RFX2: variants seen among roughly 807,000 people sequenced by gnomAD.
RFX2 encodes DNA-binding protein RFX2.
RFX2 carries 20 observed loss-of-function variants against 87.8 expected under a neutral mutation model. That is an observed-to-expected ratio of 0.23 (90% CI 0.16 to 0.33). The LOEUF (loss-of-function observed/expected upper bound fraction) is 0.33. Among genes scored for constraint, RFX2 ranks in the 10% least tolerant of loss-of-function variants. The pLI is 1.00. For missense variants in RFX2, 767 were observed against 1,012.3 expected, an observed-to-expected ratio of 0.76 and a Z score of 3.29; for synonymous variants, 397 against 431.3, an observed-to-expected ratio of 0.92 and a Z score of 0.98.
At chr19:6,084,166 C>T (rs973093685) in intron 1 of RFX2, among the ~76,000 whole-genome samples, 1 of 152,094 alleles carries the variant, frequency 6.6e-6, no homozygotes, top group Non-Finnish European at 1.5e-5. Flanking sequence ...TAAATGAGTT[C>T]GCTGTGCATT....
intron 1 of RFX2, among the ~76,000 whole-genome samples, chr19:6,107,140 C>G (rs1253185346): frequency 6.6e-6 from 1 of 151,336 alleles, no homozygotes; most frequent in East Asian, 2.0e-4. Flanking sequence ...CTAAAAAATA[C>G]GAAAAATTAG....
At chr19:6,067,171 A>G (rs1048590386) in intron 1 of RFX2, among the ~76,000 whole-genome samples, 2 of 152,210 alleles carry the variant, frequency 1.3e-5, no homozygotes, top group African/African-American at 2.4e-5. Context: ...TCTATTTATC[A>G]TCAAACAAAC....
In RFX2 at chr19:6,004,385, G is replaced by C. The variant is rs997723594; in HGVS notation, c.1403-87C>G. On this transcript the variant is annotated intron_variant, in intron 12 of 17. Transcript: ENST00000303657. This position sits in a 1 kb window ranked among gnomAD's most constrained non-coding sequence, Gnocchi z 4.8. ...GCATTCAGTGTAAGAGCTGGCCCAAGTGCGATGAAAATGACCACCATGAAG... is the reference window on the plus strand; with the variant it reads ...GCATTCAGTGTAAGAGCTGGCCCAACTGCGATGAAAATGACCACCATGAAG... 7.0e-5 allele frequency: 79 copies of C among 1,126,060 alleles called. No homozygotes were observed. Among genetic ancestry groups the C allele is most frequent in the Non-Finnish European group, 6.8e-6 (5 of 739,900 alleles). The allele number at this position is 1,126,060 out of a possible 1,614,324, so 69.8% of individuals were successfully genotyped here. A position where few individuals can be genotyped will look rare whatever the true frequency, so the allele number is the denominator to read the frequency against.
rs2086837119 is a variant in RFX2, at chr19:6,022,921, T to C, written c.597+3242A>G. On this transcript the variant is annotated intron_variant, in intron 6 of 17. Transcript: ENST00000303657. This position sits in a 1 kb window ranked among gnomAD's most constrained non-coding sequence, Gnocchi z 6.2. Reference sequence around the variant, plus strand: ...CAGCACCTGAATACACCTTCCCTCCTGAGACAGCGCAGAGGAGGGAACCAG... The same window carrying C: ...CAGCACCTGAATACACCTTCCCTCCCGAGACAGCGCAGAGGAGGGAACCAG... Among the ~76,000 whole-genome samples, 1 of 152,192 alleles carries C rather than the reference T, an allele frequency of 6.6e-6. No individual in the cohort carries two copies. The highest frequency in any genetic ancestry group is 1.5e-5 in the Non-Finnish European group (1 of 68,012).
In RFX2 at chr19:6,056,391, C is replaced by G. The variant is rs1036864112; in HGVS notation, c.-8-8887G>C. Among the ~76,000 whole-genome samples, 1 of 152,168 alleles carries G rather than the reference C, an allele frequency of 6.6e-6. No homozygotes were observed. The highest frequency in any genetic ancestry group is 1.5e-5 in the Non-Finnish European group (1 of 68,030). ...AACAAACACACACACAAGACACCAG[C>G]GATGAGCAGGAGTGGCTCATGATCC... is the stretch of plus-strand genomic sequence containing the variant. On this transcript the variant is annotated intron_variant, in intron 1 of 17. Transcript: ENST00000303657. The surrounding 1 kb of genome is among the most constrained non-coding windows in gnomAD (Gnocchi z 4.6).
chr19:6,041,714 C>G (rs1483897437), intron 4 of RFX2, among the ~76,000 whole-genome samples: 1 of 151,722 alleles, frequency 6.6e-6, no homozygotes, highest in South Asian at 2.1e-4. Context: ...TCAGCTCCCA[C>G]CCCGCTCCTT....
chr19:6,084,611 C>T (rs2087830398), intron 1 of RFX2, among the ~76,000 whole-genome samples: 1 of 151,640 alleles, frequency 6.6e-6, no homozygotes, highest in South Asian at 2.1e-4. Flanking sequence ...TGGAATCACA[C>T]TGGATTTGTC....
intron 1 of RFX2, among the ~76,000 whole-genome samples, chr19:6,051,403 T>G (rs763816447): frequency 1.3e-5 from 2 of 152,144 alleles, no homozygotes; most frequent in Non-Finnish European, 2.9e-5. Flanking sequence ...ACAAATTAAG[T>G]TATACATTCA....
intron 1 of RFX2, among the ~76,000 whole-genome samples, chr19:6,089,604 C>A (rs566207416): frequency 2.6e-5 from 4 of 152,290 alleles, no homozygotes; most frequent in South Asian, 2.1e-4. Context: ...ACCTCCCCTG[C>A]CCCTTCCATC....
intron 5 of RFX2, among the ~76,000 whole-genome samples, chr19:6,029,956 G>A (rs751989321): frequency 1.3e-5 from 2 of 152,130 alleles, no homozygotes; most frequent in Admixed American, 6.6e-5. Context: ...AAAGAAAAAA[G>A]AATGAAGAAA....
At position 6,086,578 on chromosome 19, in the gene RFX2, C is replaced by T. The variant is rs2087858941; in HGVS notation, c.-9+23815G>A. On this transcript the variant is annotated intron_variant, in intron 1 of 17. Coordinates refer to ENST00000303657, the MANE Select transcript of RFX2 (RefSeq NM_000635.4). Reference sequence around the variant, plus strand: ...GACGGAAATGTTATGCATGGCATGACTGCATTATAAGCAAATAATTAAAGT... The same window carrying T: ...GACGGAAATGTTATGCATGGCATGATTGCATTATAAGCAAATAATTAAAGT... Among the ~76,000 whole-genome samples, 6 of 152,208 alleles carry T rather than the reference C, an allele frequency of 3.9e-5. No homozygotes were observed. In the South Asian group the frequency reaches 1.2e-3, roughly 31 times the overall value.
chr19:6,094,254 T>C (rs1396365932), intron 1 of RFX2, among the ~76,000 whole-genome samples: 3 of 151,018 alleles, frequency 2.0e-5, no homozygotes, highest in Non-Finnish European at 4.4e-5. Context: ...ACAATTTGGA[T>C]TTTTTTTTAA....
chr19:6,042,496 G>GT (rs141155152), intron 3 of RFX2, among the ~76,000 whole-genome samples: 2,043 of 146,672 alleles, frequency 0.014, 18 homozygotes, highest in Admixed American at 0.022. Context: ...CCTGGTTTCT[G>GT]TTTTTTTTTT....
In RFX2 at chr19:6,004,164, C is replaced by A; in HGVS notation, c.1500+37G>T. On this transcript the variant is annotated intron_variant, in intron 13 of 17. Transcript: ENST00000303657. The surrounding 1 kb of genome is among the most constrained non-coding windows in gnomAD (Gnocchi z 4.8). ...TGTCCTGGACTGGAGCCCCTCCCAG[C>A]CATCGTTGGGGAGCCCAGGCCCCAC... The A allele has an allele frequency of 6.7e-7, 1 of 1,503,074 alleles. No homozygotes were observed. The highest frequency in any genetic ancestry group is 1.4e-5 in the African/African-American group (1 of 72,838). The allele number at this position is 1,503,074 out of a possible 1,614,324, so 93.1% of individuals were successfully genotyped here.
chr19:6,077,261 T>A (rs1339607716), intron 1 of RFX2: 1 of 152,262 alleles, frequency 6.6e-6, no homozygotes, highest in African/African-American at 2.4e-5. Flanking sequence ...GGGGCTTGCA[T>A]CATTAACCTG....
chr19:6,072,723 G>C, intron 1 of RFX2: 1 of 438,304 alleles, frequency 2.3e-6, no homozygotes, highest in East Asian at 4.7e-5. Flanking sequence ...GAAACATGAA[G>C]TCTTCCTTCC....
rs973517768 is a variant in RFX2, at chr19:5,998,036, G to A, written c.1860-823C>T. 3.9e-5 allele frequency among the ~76,000 whole-genome samples: 6 copies of A among 152,012 alleles called. No individual in the cohort carries two copies. The highest frequency in any genetic ancestry group is 8.8e-5 in the Non-Finnish European group (6 of 68,014). ...TATAAGACCAAAGGGGGCTAGGCACGGTCGCTCACACCTGTAATCCCAGCA... is the reference window on the plus strand; with the variant it reads ...TATAAGACCAAAGGGGGCTAGGCACAGTCGCTCACACCTGTAATCCCAGCA... On this transcript the variant is annotated intron_variant, in intron 15 of 17. Coordinates refer to ENST00000303657, the MANE Select transcript of RFX2 (RefSeq NM_000635.4). This position sits in a 1 kb window ranked among gnomAD's most constrained non-coding sequence, Gnocchi z 4.2.
At position 6,022,818 on chromosome 19, in the gene RFX2, A is replaced by G. The variant is rs2086834926; in HGVS notation, c.597+3345T>C. 1.3e-5 allele frequency among the ~76,000 whole-genome samples: 2 copies of G among 152,162 alleles called. No homozygotes were observed. Among genetic ancestry groups the G allele is most frequent in the Admixed American group, 1.3e-4 (2 of 15,282 alleles). On this transcript the variant is annotated intron_variant, in intron 6 of 17. Coordinates refer to ENST00000303657, the MANE Select transcript of RFX2 (RefSeq NM_000635.4). The surrounding 1 kb of genome is among the most constrained non-coding windows in gnomAD (Gnocchi z 6.2). ...AGGCCCTGCAGACCCCCTGGGTCCA[A>G]GCCCCTAGAGGGGAGGCCTGGGAAG...
chr19:5,996,711 A>C (rs1599832626), intron 16 of RFX2, among the ~76,000 whole-genome samples: 1 of 152,388 alleles, frequency 6.6e-6, no homozygotes, highest in African/African-American at 2.4e-5. Context: ...TGTTACCACA[A>C]TAAACAGAAA....
Sources: allele counts gnomAD v4.1 joint callset (sites outside exome capture counted in the v4.1 genomes callset), GRCh38; gene constraint gnomAD v4.1.1; non-coding constraint Gnocchi (gnomAD v3.1); transcripts MANE v1.5; gene names NCBI Gene and HGNC (gene_info 2026-07-23, HGNC 2026-07-21).